Variants in ERBB4 observed in about 807,000 individuals in gnomAD.
The protein encoded by ERBB4 is erb-b2 receptor tyrosine kinase 4.
ERBB4 carries 42 observed loss-of-function variants against 158.0 expected under a neutral mutation model. That is an observed-to-expected ratio of 0.27 (90% CI 0.21 to 0.34). The LOEUF (loss-of-function observed/expected upper bound fraction) is 0.34, where lower values mean the gene tolerates loss of function less well. Ranked by LOEUF, ERBB4 falls within the 10% of genes least tolerant of loss-of-function variation. ERBB4 has a pLI of 1.00. For missense variants in ERBB4, 1,333 were observed against 1,624.1 expected, an observed-to-expected ratio of 0.82 and a Z score of 3.08; for synonymous variants, 583 against 558.7, an observed-to-expected ratio of 1.04 and a Z score of -0.61.
intron 2 of ERBB4, among the ~76,000 whole-genome samples, chr2:212,059,127 G>A (rs2077676881): frequency 2.0e-5 from 3 of 152,122 alleles, no homozygotes; most frequent in South Asian, 2.1e-4. Flanking sequence ...AAAAATCACA[G>A]GCATTCCTAT....
chr2:212,091,903 CCAGA>C (rs1486540832), intron 2 of ERBB4, among the ~76,000 whole-genome samples: 7 of 152,134 alleles, frequency 4.6e-5, no homozygotes, highest in East Asian at 1.9e-4. Flanking sequence ...ATTCAGAACT[CCAGA>C]CAGTGTTCCC....
At chr2:212,076,149 C>G (rs2078267486) in intron 2 of ERBB4, among the ~76,000 whole-genome samples, 1 of 151,744 alleles carries the variant, frequency 6.6e-6, no homozygotes, top group African/African-American at 2.4e-5. Context: ...AATTTAAACA[C>G]TTTTGGAGAT....
At position 211,397,613 on chromosome 2, in the gene ERBB4, C is replaced by T. The variant is rs1488050874; in HGVS notation, c.3136-9621G>A. 2.6e-5 allele frequency among the ~76,000 whole-genome samples: 4 copies of T among 152,078 alleles called. No homozygotes were observed. In the East Asian group the frequency reaches 5.8e-4, roughly 22 times the overall value. On this transcript the variant is annotated intron_variant, in intron 25 of 27. Coordinates refer to ENST00000342788, the MANE Select transcript of ERBB4 (RefSeq NM_005235.3). ...ATTGTCCACCTGAGCCAAGGACAGC[C>T]GAGGTGAAACTCTAAAGCAGGCAAA...
chr2:211,420,278 A>G (rs2063487125), intron 25 of ERBB4, among the ~76,000 whole-genome samples, 163 bp downstream of exon 25: 1 of 152,014 alleles, frequency 6.6e-6, no homozygotes, highest in Non-Finnish European at 1.5e-5. Context: ...AATTAACTAC[A>G]TATAGCAAGA....
At chr2:211,444,457 G>T (rs537688649) in intron 20 of ERBB4, among the ~76,000 whole-genome samples, 44 of 152,126 alleles carry the variant, frequency 2.9e-4, no homozygotes, top group African/African-American at 9.6e-4. Context: ...CTTATAACAT[G>T]GAAATCTATC....
intron 12 of ERBB4, among the ~76,000 whole-genome samples, chr2:211,701,090 G>C (rs917273545): frequency 3.9e-5 from 6 of 151,986 alleles, no homozygotes; most frequent in South Asian, 2.1e-4. Flanking sequence ...TTGCTTCAGA[G>C]TAAATAAGAA....
chr2:212,399,078 G>C (rs1362870592), intron 1 of ERBB4, among the ~76,000 whole-genome samples: 2 of 151,922 alleles, frequency 1.3e-5, no homozygotes, highest in Non-Finnish European at 2.9e-5. Context: ...CAATTAGCTG[G>C]ACTAAAGATG....
chr2:211,444,757 C>T (rs1306175819), intron 20 of ERBB4, among the ~76,000 whole-genome samples: 1 of 152,006 alleles, frequency 6.6e-6, no homozygotes, highest in African/African-American at 2.4e-5. Flanking sequence ...GAACACTCTG[C>T]TAATTGTTTT....
At chr2:211,947,692 T>C (rs1187993693) in intron 2 of ERBB4, 76 bp from the exon 3 acceptor site, 2 of 1,251,170 alleles carry the variant, frequency 1.6e-6, no homozygotes. Flanking sequence ...TAGATTAAAA[T>C]GAGTTATTAA....
At chr2:211,470,555 A>G (rs570274346) in intron 20 of ERBB4, among the ~76,000 whole-genome samples, 1 of 152,258 alleles carries the variant, frequency 6.6e-6, no homozygotes, top group Admixed American at 6.5e-5. Context: ...TAATTTTTTA[A>G]ATTTAATTGT....
intron 2 of ERBB4, among the ~76,000 whole-genome samples, chr2:212,092,004 C>CA (rs2078793961): frequency 6.6e-6 from 1 of 152,108 alleles, no homozygotes; most frequent in Non-Finnish European, 1.5e-5. Context: ...GAAGATCCCA[C>CA]ACGTGATATG....
In ERBB4 at chr2:211,379,059, A is replaced by G; in HGVS notation, c.*4556T>C. 8.6e-6 allele frequency: 2 copies of G among 231,554 alleles called. No homozygotes were observed. The highest frequency in any genetic ancestry group is 1.2e-4 in the East Asian group (2 of 16,370). The allele number at this position is 231,554 out of a possible 1,614,324, so 14.3% of individuals were successfully genotyped here. ...TCATCATTCTAATAACTAAAGTCCA[A>G]AAGAATGGCAATGCAATAGTTTGAA... On this transcript the variant is annotated 3_prime_UTR_variant, in exon 28 of 28. Transcript: ENST00000342788.
At chr2:212,063,920 G>A (rs142030084) in intron 2 of ERBB4, among the ~76,000 whole-genome samples, 1 of 152,220 alleles carries the variant, frequency 6.6e-6, no homozygotes, top group Non-Finnish European at 1.5e-5. Flanking sequence ...CACTAAAGCT[G>A]GAGGTGACTT....
chr2:211,562,180 A>T (rs993297486), intron 19 of ERBB4, 92 bp from the exon 20 acceptor site: 19 of 1,035,306 alleles, frequency 1.8e-5, no homozygotes, highest in Non-Finnish European at 2.7e-5. Flanking sequence ...GATGATTTTT[A>T]AAAATGTACT....
At chr2:212,123,145 T>C (rs193240569) in intron 2 of ERBB4, among the ~76,000 whole-genome samples, 183 of 152,358 alleles carry the variant, frequency 1.2e-3, no homozygotes, top group African/African-American at 3.9e-3. Context: ...CTCACGCCTG[T>C]AATCCCAGCA....
chr2:211,798,647 T>C (rs993000265), intron 3 of ERBB4, among the ~76,000 whole-genome samples: 2 of 152,132 alleles, frequency 1.3e-5, no homozygotes, highest in African/African-American at 2.4e-5. Flanking sequence ...TTAAAACCTA[T>C]GTACATTGGT....
intron 1 of ERBB4, among the ~76,000 whole-genome samples, chr2:212,330,857 T>C (rs1421542506): frequency 6.6e-6 from 1 of 151,290 alleles, no homozygotes; most frequent in Non-Finnish European, 1.5e-5. Flanking sequence ...TCCTACTGGG[T>C]AGATTTTACC....
chr2:212,003,153 G>GAAAC, intron 2 of ERBB4, among the ~76,000 whole-genome samples: 1 of 13,760 alleles, frequency 7.3e-5, no homozygotes, highest in Admixed American at 1.1e-3. Context: ...AGGAAGGAAA[G>GAAAC]AAAGAAAGAA....
chr2:211,600,311 A>C (rs1215972619), intron 19 of ERBB4, among the ~76,000 whole-genome samples: 3 of 152,158 alleles, frequency 2.0e-5, no homozygotes, highest in Non-Finnish European at 2.9e-5. Flanking sequence ...TAAGGTCGTA[A>C]AAAGATACAA....
Sources: gnomAD v4.1 joint callset for allele counts (sites outside exome capture counted in the v4.1 genomes callset) on GRCh38, gnomAD v4.1.1 for gene constraint, MANE v1.5 for transcripts, NCBI Gene and HGNC (gene_info 2026-07-23, HGNC 2026-07-21) for gene names.